Variants in PDE4B observed in about 807,000 individuals in gnomAD.
The protein encoded by PDE4B is phosphodiesterase 4B.
Under a neutral mutation model 82.2 loss-of-function variants are expected in PDE4B, and 20 were observed. That is an observed-to-expected ratio of 0.24 (90% CI 0.17 to 0.35). PDE4B has a LOEUF of 0.35. Among genes scored for constraint, PDE4B ranks in the 10% least tolerant of loss-of-function variants. The probability of loss-of-function intolerance (pLI) is 1.00; values close to 1 mark genes in which losing one functional copy is unlikely to be tolerated. For synonymous variants in PDE4B, 320 were observed against 318.9 expected (o/e 1.00, Z -0.04); for missense variants, 655 against 907.2 (o/e 0.72, Z 3.57).
At chr1:66,367,459 A>G (rs1047693255) in intron 13 of PDE4B, 15 of 363,430 alleles carry the variant, frequency 4.1e-5, no homozygotes, top group Non-Finnish European at 6.5e-5. Flanking sequence ...AAAGGATTTT[A>G]AAATACAATG....
chr1:65,826,757 G>A (rs1282324469), intron 1 of PDE4B, among the ~76,000 whole-genome samples: 2 of 152,150 alleles, frequency 1.3e-5, no homozygotes, highest in African/African-American at 4.8e-5. Context: ...GTTTTGTCCA[G>A]CAATACTTCC....
chr1:66,235,454 T>C (rs1652334650), intron 3 of PDE4B, among the ~76,000 whole-genome samples: 1 of 152,218 alleles, frequency 6.6e-6, no homozygotes, highest in Non-Finnish European at 1.5e-5. Context: ...ATCATCCTTT[T>C]TATTCCTGGT....
chr1:65,962,085 G>A (rs974196075), intron 3 of PDE4B, among the ~76,000 whole-genome samples: 2 of 152,080 alleles, frequency 1.3e-5, no homozygotes, highest in Admixed American at 6.6e-5. Flanking sequence ...TACCTTACAT[G>A]TGCTTAGAAC....
intron 3 of PDE4B, among the ~76,000 whole-genome samples, chr1:66,120,114 G>T (rs1557575776): frequency 6.6e-6 from 1 of 152,144 alleles, no homozygotes; most frequent in East Asian, 1.9e-4. Context: ...CTTCGGAAAC[G>T]AATACAGTCA....
chr1:66,223,247 T>A (rs559523943), intron 3 of PDE4B, among the ~76,000 whole-genome samples: 1 of 152,278 alleles, frequency 6.6e-6, no homozygotes, highest in African/African-American at 2.4e-5. Flanking sequence ...TAGAGAAGGA[T>A]GGCTAGTGTC....
chr1:66,308,557 T>A (rs1426678456), intron 7 of PDE4B, among the ~76,000 whole-genome samples: 2 of 152,186 alleles, frequency 1.3e-5, no homozygotes, highest in African/African-American at 4.8e-5. Context: ...TATCAAAGAT[T>A]AGTGTTTGTC....
intron 7 of PDE4B, among the ~76,000 whole-genome samples, chr1:66,315,922 C>A (rs1658996354): frequency 6.6e-6 from 1 of 152,158 alleles, no homozygotes; most frequent in Non-Finnish European, 1.5e-5. Context: ...GGTTCTGAGC[C>A]TTGGCCACGT....
intron 1 of PDE4B, among the ~76,000 whole-genome samples, chr1:65,830,409 T>TA (rs1335961339): frequency 6.6e-6 from 1 of 152,108 alleles, no homozygotes; most frequent in Non-Finnish European, 1.5e-5. Context: ...CAAAAGGAAA[T>TA]AAAGTCGCTT....
chr1:65,855,965 A>G (rs1571022035), intron 1 of PDE4B, among the ~76,000 whole-genome samples: 1 of 151,856 alleles, frequency 6.6e-6, no homozygotes, highest in East Asian at 1.9e-4. Flanking sequence ...ATCTTTTCCC[A>G]GTTTTCTTTT....
chr1:65,976,737 G>T (rs1044354336), intron 3 of PDE4B, among the ~76,000 whole-genome samples: 1 of 152,096 alleles, frequency 6.6e-6, no homozygotes, highest in Non-Finnish European at 1.5e-5. Flanking sequence ...TTATCTCTCT[G>T]TCTCTCCTGC....
At chr1:66,355,380 G>C in intron 8 of PDE4B, 147 bp from the exon 9 acceptor site, 2 of 451,356 alleles carry the variant, frequency 4.4e-6, no homozygotes, top group Non-Finnish European at 8.0e-6. Flanking sequence ...TCAAATTGAA[G>C]AGATATATTT....
chr1:65,889,465 T>A (rs1646828657), intron 1 of PDE4B, among the ~76,000 whole-genome samples: 1 of 152,082 alleles, frequency 6.6e-6, no homozygotes, highest in Admixed American at 6.6e-5. Flanking sequence ...ATTATTAAGG[T>A]ATCAGATTCA....
chr1:66,299,437 T>C lies in PDE4B; in HGVS notation c.635-33071T>C, dbSNP rs78014525. Among the ~76,000 whole-genome samples, 649 of 152,318 alleles carry C rather than the reference T, an allele frequency of 4.3e-3. 3 individuals are homozygous for C. Among genetic ancestry groups the C allele is most frequent in the African/African-American group, 0.015 (619 of 41,580 alleles). On this transcript the variant is annotated intron_variant, in intron 7 of 16. Transcript: ENST00000341517. ...GAGTGAATAGCATTCCATTATTATA[T>C]GCCATATTTCCTTTATCCATTCATT...
rs4655814 is a variant in PDE4B at position 66,088,634 on chromosome 1, G to A, written c.282-158826G>A. Among the ~76,000 whole-genome samples, 728 of 152,184 alleles carry A rather than the reference G, an allele frequency of 4.8e-3. 3 individuals carry two copies. The highest frequency in any genetic ancestry group is 0.034 in the East Asian group (174 of 5,176). On this transcript the variant is annotated intron_variant, in intron 3 of 16. Transcript: ENST00000341517. ...TTTAGACTAAGTGAAGTAGAAGCCT[G>A]TTAATTTATCTTTTTTCAATGTCAA...
At chr1:65,818,683 C>CATATATATAT (rs1471583640) in intron 1 of PDE4B, among the ~76,000 whole-genome samples, 11 of 45,500 alleles carry the variant, frequency 2.4e-4, no homozygotes, top group African/African-American at 5.3e-4. Flanking sequence ...CACACACACA[C>CATATATATAT]ACATATATAT....
chr1:66,309,807 A>C (rs1337870249), intron 7 of PDE4B, among the ~76,000 whole-genome samples: 1 of 152,186 alleles, frequency 6.6e-6, no homozygotes, highest in East Asian at 1.9e-4. Flanking sequence ...TTGTGCTCAG[A>C]ATTATACCAA....
intron 3 of PDE4B, among the ~76,000 whole-genome samples, chr1:66,102,374 C>A (rs112337171): frequency 6.6e-6 from 1 of 152,004 alleles, no homozygotes; most frequent in African/African-American, 2.4e-5. Context: ...GTAACTAGTA[C>A]CAGACAGACT....
intron 3 of PDE4B, among the ~76,000 whole-genome samples, chr1:66,235,919 T>C (rs1259370357): frequency 6.6e-6 from 1 of 152,336 alleles, no homozygotes; most frequent in East Asian, 1.9e-4. Flanking sequence ...AACAGTAATG[T>C]ACAGAAACAG....
At chr1:66,329,091 A>G (rs1570702084) in intron 7 of PDE4B, among the ~76,000 whole-genome samples, 1 of 152,198 alleles carries the variant, frequency 6.6e-6, no homozygotes, top group Non-Finnish European at 1.5e-5. Context: ...ATCAGGAAGG[A>G]GTAGCCAGCT....
Sources: gnomAD v4.1 joint callset for allele counts (sites outside exome capture counted in the v4.1 genomes callset) on GRCh38, gnomAD v4.1.1 for gene constraint, MANE v1.5 for transcripts, NCBI Gene and HGNC (gene_info 2026-07-23, HGNC 2026-07-21) for gene names.